TEX15: variants seen among roughly 807,000 people sequenced by gnomAD.
The protein encoded by TEX15 is testis-expressed protein 15.
A neutral mutation model predicts 237.3 loss-of-function variants in TEX15; 171 were observed. The observed-to-expected ratio is 0.72, with a 90% confidence interval of 0.64 to 0.82. The LOEUF is 0.82. Ranked by LOEUF, TEX15 falls within the 40% of genes least tolerant of loss-of-function variation. TEX15 has a pLI of 0.00. For missense variants in TEX15, 3,750 were observed against 3,646.5 expected (o/e 1.03, Z -0.73); for synonymous variants, 1,338 against 1,269.8 (o/e 1.05, Z -1.14).
intron 2 of TEX15, among the ~76,000 whole-genome samples, chr8:30,897,200 T>A (rs926394092): frequency 3.8e-4 from 58 of 152,326 alleles, no homozygotes; most frequent in Admixed American, 2.4e-3. Context: ...CTCCTAAGCT[T>A]TACTTTCCTC....
chr8:30,866,732 C>A (rs576347149), intron 5 of TEX15, among the ~76,000 whole-genome samples: 242 of 141,728 alleles, frequency 1.7e-3, no homozygotes, highest in African/African-American at 7.4e-3. Flanking sequence ...CACATACACA[C>A]ACACACACAC....
intron 3 of TEX15, among the ~76,000 whole-genome samples, chr8:30,882,831 T>C (rs922569783): frequency 6.6e-6 from 1 of 152,128 alleles, no homozygotes; most frequent in African/African-American, 2.4e-5. Flanking sequence ...CATTTCTCCT[T>C]TCAGTTTTAT....
In TEX15 at chr8:30,845,786, G is replaced by A. The variant is rs1456849795; in HGVS notation, c.4381C>T (p.Pro1461Ser). ...KYDKRRKKRAPKADISKSLTH... is the reference protein window; with the variant it reads ...KYDKRRKKRASKADISKSLTH... ...AATGATTTAGAAATATCAGCTTTTGGAGCTCTTTTCTTTCTCCGTTTGTCA... is the reference window on the plus strand; with the variant it reads ...AATGATTTAGAAATATCAGCTTTTGAAGCTCTTTTCTTTCTCCGTTTGTCA... The change falls in exon 8 of 11, where the codon CCA becomes TCA. Residue 1461 changes from proline to serine, a missense_variant. Pro to Ser is a moderately conservative substitution (Grantham distance 74). Transcript: ENST00000643185. 2 of 1,611,220 alleles carry A rather than the reference G, an allele frequency of 1.2e-6. No individual in the cohort carries two copies. Among genetic ancestry groups the A allele is most frequent in the South Asian group, 1.1e-5 (1 of 90,180 alleles).
At chr8:30,866,645 T>C (rs1380465578) in intron 5 of TEX15, among the ~76,000 whole-genome samples, 3 of 152,038 alleles carry the variant, frequency 2.0e-5, no homozygotes, top group South Asian at 2.1e-4. Flanking sequence ...AGACATAATA[T>C]ATGATACTTT....
Position 30,837,823 on chromosome 8 carries a change from T to C in TEX15, c.8461A>G (p.Arg2821Gly). The change falls in exon 10 of 11, where the codon AGA becomes GGA. Residue 2821 changes from arginine (R) to glycine (G), a missense_variant. Physicochemically the swap from Arg to Gly is moderately radical, Grantham distance 125. Transcript: ENST00000643185. The stretch of plus-strand genomic sequence containing the variant: ...TCAGCAGCACTGAAGTTCACATTTC[T>C]TTTCTTCATGCTATTTAAATTTTCC... ...QQENLNSMKK[R>G]NVNFSAAETK... 6.2e-7 allele frequency: 1 copy of C among 1,614,182 alleles called. No homozygotes were observed. The highest frequency in any genetic ancestry group is 2.2e-5 in the East Asian group (1 of 44,882).
chr8:30,837,915 G>A lies in TEX15; in HGVS notation c.8369C>T (p.Thr2790Ile), dbSNP rs755144676. The A allele has an allele frequency of 2.5e-6, 4 of 1,614,026 alleles. No homozygotes were observed. The African/African-American group carries it at 4.0e-5, about 16-fold the overall frequency. ...SLLPLENPKD[T>I]CASKSESKID... ...TTTGCTTTCCGACTTTGATGCGCAA[G>A]TGTCTTTTGGGTTCTCTAAGGGTAA... Residue 2790 changes from threonine (T) to isoleucine (I), a missense_variant, in exon 10 of 11, where the codon ACT (threonine) becomes ATT (isoleucine). Physicochemically the swap from Thr to Ile is moderately conservative, Grantham distance 89. Coordinates refer to ENST00000643185, the MANE Select transcript of TEX15 (RefSeq NM_001350162.2).
intron 3 of TEX15, among the ~76,000 whole-genome samples, chr8:30,876,472 G>A (rs973491520): frequency 2.6e-5 from 4 of 152,032 alleles, no homozygotes; most frequent in African/African-American, 9.7e-5. Context: ...TAGCCATAAC[G>A]AAATCTCATG....
intron 2 of TEX15, among the ~76,000 whole-genome samples, chr8:30,888,237 C>G (rs966570048): frequency 1.3e-5 from 2 of 151,874 alleles, no homozygotes; most frequent in Non-Finnish European, 2.9e-5. Context: ...TTTTAAAAAG[C>G]ATTTTTTTCC....
chr8:30,837,374 C>T lies in TEX15; in HGVS notation c.8910G>A (p.Leu2970=), dbSNP rs149358894. Residue 2970 remains leucine, a synonymous_variant, in exon 10 of 11, where the codon TTG becomes TTA. Transcript: ENST00000643185. ...ESEDKYMKDT[L]NPNTVHTFGA... is the part of the protein sequence containing the mutation. Reference sequence around the variant, plus strand: ...CAAAAGTATGCACAGTATTGGGATTCAATGTATCCTTCATGTATTTGTCCT... The same window carrying T: ...CAAAAGTATGCACAGTATTGGGATTTAATGTATCCTTCATGTATTTGTCCT... 6.2e-7 allele frequency: 1 copy of T among 1,614,030 alleles called. No homozygotes were observed. Among genetic ancestry groups the T allele is most frequent in the Non-Finnish European group, 8.5e-7 (1 of 1,179,962 alleles).
At chr8:30,891,626 T>C (rs1833449) in intron 2 of TEX15, among the ~76,000 whole-genome samples, 70,202 of 151,840 alleles carry the variant, frequency 0.46, 21,233 homozygotes, top group African/African-American at 0.87. Context: ...ACTACAGGCA[T>C]GTGCCACCAC....
chr8:30,848,804 C>A lies in TEX15; in HGVS notation c.1363G>T (p.Val455Phe), dbSNP rs758815147. The A allele has an allele frequency of 3.1e-6, 5 of 1,613,806 alleles. No homozygotes were observed. The highest frequency in any genetic ancestry group is 3.3e-5 in the Admixed American group (2 of 59,998). The change falls in exon 8 of 11, where the codon GTT (valine) becomes TTT (phenylalanine). Residue 455 changes from valine (V) to phenylalanine (F), a missense_variant. Val to Phe is a conservative substitution (Grantham distance 50). Transcript: ENST00000643185. ...TCTGAACTCTTCTCAAATTGCAAAA[C>A]CTCATTTAAGCCTGCAGTACTACTC... ...EQSSTAGLNE[V>F]LQFEKSSDNV... is the part of the protein sequence containing the mutation.
At position 30,873,173 on chromosome 8, in the gene TEX15, T is replaced by C. The variant is rs187465661; in HGVS notation, c.302+1764A>G. Among the ~76,000 whole-genome samples, 81 of 152,300 alleles carry C rather than the reference T, an allele frequency of 5.3e-4. No individual in the cohort carries two copies. The East Asian group carries it at 0.015, about 29-fold the overall frequency. On this transcript the variant is annotated intron_variant, in intron 4 of 10. Coordinates refer to ENST00000643185, the MANE Select transcript of TEX15 (RefSeq NM_001350162.2). ...AGTTCCACTTACTAGGCAGAAAATA[T>C]TTAAAAGGAGTTATTTGGGAAAGAT...
intron 4 of TEX15, 95 bp from the exon 5 acceptor site, chr8:30,867,597 G>T: frequency 1.4e-6 from 1 of 705,812 alleles, no homozygotes; most frequent in Non-Finnish European, 2.4e-6. Flanking sequence ...TAGAAAGCAA[G>T]AGAAGTAGCG....
Position 30,912,922 on chromosome 8 carries a change from T to A in TEX15, c.-129A>T, listed in dbSNP as rs1475045716. On this transcript the variant is annotated 5_prime_UTR_variant, in exon 1 of 11. The change creates a new upstream start codon in the 5' untranslated region. Coordinates refer to ENST00000643185, the MANE Select transcript of TEX15 (RefSeq NM_001350162.2). The stretch of plus-strand genomic sequence containing the variant: ...CTCAGTCAGTTCCTCAGACTCAATC[T>A]TAGCACGGTACAGACCTTCGCCCAC... 6.6e-6 allele frequency: 1 copy of A among 152,338 alleles called. No individual in the cohort carries two copies. The highest frequency in any genetic ancestry group is 2.4e-5 in the African/African-American group (1 of 41,444). The allele number at this position is 152,338 out of a possible 1,614,324, so 9.4% of individuals were successfully genotyped here.
intron 4 of TEX15, among the ~76,000 whole-genome samples, chr8:30,871,255 A>C (rs530185132): frequency 3.4e-4 from 52 of 152,206 alleles, no homozygotes; most frequent in African/African-American, 1.2e-3. Flanking sequence ...TCTGGGGAGT[A>C]GGATGTGGAC....
chr8:30,878,601 G>C (rs1426854699), intron 3 of TEX15, among the ~76,000 whole-genome samples: 3 of 152,038 alleles, frequency 2.0e-5, no homozygotes, highest in Non-Finnish European at 4.4e-5. Context: ...TGGTCAGGCT[G>C]GTCTTGAACT....
chr8:30,873,561 T>C (rs951297797), intron 4 of TEX15, among the ~76,000 whole-genome samples: 2 of 152,114 alleles, frequency 1.3e-5, no homozygotes, highest in African/African-American at 2.4e-5. Flanking sequence ...GGATTCCTCA[T>C]TGCCCTCTTC....
chr8:30,880,420 T>C (rs1372914874), intron 3 of TEX15, among the ~76,000 whole-genome samples: 1 of 152,166 alleles, frequency 6.6e-6, no homozygotes, highest in Non-Finnish European at 1.5e-5. Flanking sequence ...TCATGAACAA[T>C]ATGGGTTTGA....
intron 4 of TEX15, among the ~76,000 whole-genome samples, chr8:30,869,222 G>T (rs1016243720): frequency 6.6e-6 from 1 of 151,876 alleles, no homozygotes; most frequent in East Asian, 1.9e-4. Flanking sequence ...GATTTTAAAT[G>T]ACAGACACTC....
Sources: allele counts gnomAD v4.1 joint callset (sites outside exome capture counted in the v4.1 genomes callset), GRCh38; gene constraint gnomAD v4.1.1; transcripts MANE v1.5; gene names NCBI Gene and HGNC (gene_info 2026-07-23, HGNC 2026-07-21).